TRAPPC9: variants seen among roughly 807,000 people sequenced by gnomAD.
TRAPPC9 encodes the protein IKK2 binding protein.
A neutral mutation model predicts 124.0 loss-of-function variants in TRAPPC9; 83 were observed. That is an observed-to-expected ratio of 0.67 (90% CI 0.56 to 0.80). The LOEUF (loss-of-function observed/expected upper bound fraction) is 0.80. TRAPPC9 is among the 30% of genes least tolerant of loss of function. The pLI is 0.00. For missense variants in TRAPPC9, 1,302 were observed against 1,508.3 expected, an observed-to-expected ratio of 0.86 and a Z score of 2.27; for synonymous variants, 638 against 617.5, an observed-to-expected ratio of 1.03 and a Z score of -0.49.
At chr8:139,974,741 C>T (rs1487106515) in intron 19 of TRAPPC9, among the ~76,000 whole-genome samples, 1 of 152,106 alleles carries the variant, frequency 6.6e-6, no homozygotes, top group Non-Finnish European at 1.5e-5. Context: ...TGCTCCTTCT[C>T]AGCTCCTACA....
rs1464618913 is a variant in TRAPPC9 at position 140,104,919 on chromosome 8, C to T, written c.2557-80840G>A. Among the ~76,000 whole-genome samples, 5 of 152,216 alleles carry T rather than the reference C, an allele frequency of 3.3e-5. No homozygotes were observed. The highest frequency in any genetic ancestry group is 7.2e-5 in the African/African-American group (3 of 41,460). ...GAGCTCCCTGAGTTGACTCTGCCTCCGCTTGCCCCCTGGGCCTGTCATCCA... is the reference window on the plus strand; with the variant it reads ...GAGCTCCCTGAGTTGACTCTGCCTCTGCTTGCCCCCTGGGCCTGTCATCCA... On this transcript the variant is annotated intron_variant, in intron 17 of 22. Coordinates refer to ENST00000438773, the MANE Select transcript of TRAPPC9 (RefSeq NM_001160372.4). The surrounding 1 kb of genome is among the most constrained non-coding windows in gnomAD (Gnocchi z 4.0).
intron 21 of TRAPPC9, among the ~76,000 whole-genome samples, chr8:139,774,277 G>A (rs964861455): frequency 1.3e-5 from 2 of 152,202 alleles, no homozygotes; most frequent in Admixed American, 6.5e-5. Flanking sequence ...TGGTGACACC[G>A]AGTAGGGACA....
intron 21 of TRAPPC9, among the ~76,000 whole-genome samples, chr8:139,772,028 G>A (rs544349326): frequency 2.9e-4 from 44 of 152,350 alleles, no homozygotes; most frequent in African/African-American, 1.1e-3. Context: ...GCTGCGGCCT[G>A]GTGTGGAGGA....
intron 17 of TRAPPC9, among the ~76,000 whole-genome samples, chr8:140,053,540 TTGGG>T (rs1842118463): frequency 6.6e-6 from 1 of 152,212 alleles, no homozygotes; most frequent in Non-Finnish European, 1.5e-5. Flanking sequence ...TCTGCCACTG[TTGGG>T]TGGGATGTTC....
At chr8:139,860,745 C>T (rs1267989481) in intron 21 of TRAPPC9, among the ~76,000 whole-genome samples, 1 of 152,236 alleles carries the variant, frequency 6.6e-6, no homozygotes, top group Non-Finnish European at 1.5e-5. Context: ...AAGCACAGAC[C>T]AATGCCTGTC....
chr8:140,376,380 C>A lies in TRAPPC9; in HGVS notation c.1135-5200G>T, dbSNP rs866892376. Among the ~76,000 whole-genome samples the A allele has an allele frequency of 7.2e-5, 11 of 151,888 alleles. No individual in the cohort carries two copies. The South Asian group carries it at 1.5e-3, about 20-fold the overall frequency. On this transcript the variant is annotated intron_variant, in intron 7 of 22. Coordinates refer to ENST00000438773, the MANE Select transcript of TRAPPC9 (RefSeq NM_001160372.4). Reference sequence around the variant, plus strand: ...GATCATCCTGGCCAACACAGTGAAACCCCGTCTCTACTAAAAATACAAAAA... The same window carrying A: ...GATCATCCTGGCCAACACAGTGAAAACCCGTCTCTACTAAAAATACAAAAA...
At chr8:140,261,505 C>T (rs1373462688) in intron 15 of TRAPPC9, among the ~76,000 whole-genome samples, 9 of 152,282 alleles carry the variant, frequency 5.9e-5, no homozygotes, top group Non-Finnish European at 1.5e-5. Context: ...TCAACAACTG[C>T]TTGCTGAATT....
Position 140,174,040 on chromosome 8 carries a change from T to C in TRAPPC9, c.2556+47419A>G, listed in dbSNP as rs1182516849. 2.6e-5 allele frequency among the ~76,000 whole-genome samples: 4 copies of C among 152,292 alleles called. No individual in the cohort carries two copies. The East Asian group carries it at 5.8e-4, about 22-fold the overall frequency. On this transcript the variant is annotated intron_variant, in intron 17 of 22. Coordinates refer to ENST00000438773, the MANE Select transcript of TRAPPC9 (RefSeq NM_001160372.4). ...CCATGGTAGCCATTATAATCATTAT[T>C]CAGAAGACATGAGTTTGGGGGGTAA...
intron 21 of TRAPPC9, among the ~76,000 whole-genome samples, chr8:139,806,735 C>A (rs1446938754): frequency 6.6e-6 from 1 of 152,200 alleles, no homozygotes; most frequent in African/African-American, 2.4e-5. Flanking sequence ...CAGTTAAGAA[C>A]CCTGATTCTC....
chr8:140,409,818 T>C lies in TRAPPC9; in HGVS notation c.887-4120A>G, dbSNP rs141299735. ...AAGAAAAGGCCAGGAACAAATGATA[T>C]AAGGGTAGGGAAATGAGGTGGAAAG... On this transcript the variant is annotated intron_variant, in intron 5 of 22. Coordinates refer to ENST00000438773, the MANE Select transcript of TRAPPC9 (RefSeq NM_001160372.4). Among the ~76,000 whole-genome samples, 819 of 152,124 alleles carry C rather than the reference T, an allele frequency of 5.4e-3. 8 individuals are homozygous for C. The highest frequency in any genetic ancestry group is 0.041 in the Middle Eastern group (12 of 294).
At chr8:140,407,386 T>TGAGA (rs1332930317) in intron 5 of TRAPPC9, among the ~76,000 whole-genome samples, 1 of 151,450 alleles carries the variant, frequency 6.6e-6, no homozygotes, top group Non-Finnish European at 1.5e-5. Flanking sequence ...TTCACATTGT[T>TGAGA]GAGTTTTACT....
At chr8:140,363,890 A>G (rs1268426834) in intron 8 of TRAPPC9, among the ~76,000 whole-genome samples, 1 of 152,148 alleles carries the variant, frequency 6.6e-6, no homozygotes, top group African/African-American at 2.4e-5. Context: ...CAGCCACTGC[A>G]CCCGGCCCCA....
At position 140,110,116 on chromosome 8, in the gene TRAPPC9, C is replaced by A. The variant is rs1245451061; in HGVS notation, c.2557-86037G>T. On this transcript the variant is annotated intron_variant, in intron 17 of 22. Coordinates refer to ENST00000438773, the MANE Select transcript of TRAPPC9 (RefSeq NM_001160372.4). Reference sequence around the variant, plus strand: ...GGAGAGTAGGGCCGCAGTGGTTGCTCCCCTGACCCTAGACTGCCAGGCTCT... The same window carrying A: ...GGAGAGTAGGGCCGCAGTGGTTGCTACCCTGACCCTAGACTGCCAGGCTCT... Among the ~76,000 whole-genome samples the A allele has an allele frequency of 2.0e-5, 3 of 150,060 alleles. No homozygotes were observed. The East Asian group carries it at 5.8e-4, about 29-fold the overall frequency.
rs767360625 is a variant in TRAPPC9 at position 139,788,716 on chromosome 8, C to T, written c.3056-56514G>A. Reference sequence around the variant, plus strand: ...GTCGAGTTACCATCACGCCTGCCTTCGTGGGCGCAGGCTGAGCACAAGGTC... The same window carrying T: ...GTCGAGTTACCATCACGCCTGCCTTTGTGGGCGCAGGCTGAGCACAAGGTC... On this transcript the variant is annotated intron_variant, in intron 21 of 22. Coordinates refer to ENST00000438773, the MANE Select transcript of TRAPPC9 (RefSeq NM_001160372.4). The surrounding 1 kb of genome is among the most constrained non-coding windows in gnomAD (Gnocchi z 4.9). Among the ~76,000 whole-genome samples the T allele has an allele frequency of 6.6e-6, 1 of 152,170 alleles. No homozygotes were observed. Among genetic ancestry groups the T allele is most frequent in the Non-Finnish European group, 1.5e-5 (1 of 68,036 alleles).
chr8:139,910,657 C>T (rs1250379808), intron 19 of TRAPPC9, among the ~76,000 whole-genome samples: 14 of 152,264 alleles, frequency 9.2e-5, no homozygotes, highest in Admixed American at 7.2e-4. Flanking sequence ...TCATGGAGAA[C>T]GCTGACAATT....
intron 4 of TRAPPC9, among the ~76,000 whole-genome samples, chr8:140,434,880 G>A (rs2070757770): frequency 6.6e-6 from 1 of 151,792 alleles, no homozygotes; most frequent in Non-Finnish European, 1.5e-5. Context: ...TGAGGGAGGA[G>A]AATTGCTTGA....
intron 21 of TRAPPC9, among the ~76,000 whole-genome samples, chr8:139,844,325 G>A (rs1273298571): frequency 6.6e-6 from 1 of 152,240 alleles, no homozygotes; most frequent in Non-Finnish European, 1.5e-5. Context: ...CAGAGTGCCT[G>A]GCAGGAGAAG....
intron 6 of TRAPPC9, among the ~76,000 whole-genome samples, chr8:140,402,431 C>T (rs1199840419): frequency 6.9e-6 from 1 of 145,500 alleles, no homozygotes; most frequent in Admixed American, 6.9e-5. Flanking sequence ...CAGTGGCTCA[C>T]GCCTGTAACC....
chr8:140,225,372 C>T (rs1055338645), intron 16 of TRAPPC9, among the ~76,000 whole-genome samples: 1 of 152,206 alleles, frequency 6.6e-6, no homozygotes, highest in South Asian at 2.1e-4. Context: ...AAAATTCCAT[C>T]ATCCCAAAGT....
Sources: allele counts gnomAD v4.1 joint callset (sites outside exome capture counted in the v4.1 genomes callset), GRCh38; gene constraint gnomAD v4.1.1; non-coding constraint Gnocchi (gnomAD v3.1); transcripts MANE v1.5; gene names NCBI Gene and HGNC (gene_info 2026-07-23, HGNC 2026-07-21).